Variants in MAP3K4 observed in about 807,000 individuals in gnomAD.
MAP3K4 encodes MAP three kinase 1.
A neutral mutation model predicts 185.6 loss-of-function variants in MAP3K4; 67 were observed. That is an observed-to-expected ratio of 0.36 (90% CI 0.30 to 0.44). The LOEUF (loss-of-function observed/expected upper bound fraction) is 0.44. Among genes scored for constraint, MAP3K4 ranks in the 20% least tolerant of loss-of-function variants. The pLI is 1.00. For missense variants in MAP3K4, 1,551 were observed against 1,995.1 expected, an observed-to-expected ratio of 0.78 and a Z score of 4.24; for synonymous variants, 702 against 710.4, an observed-to-expected ratio of 0.99 and a Z score of 0.19.
rs10945710 is a variant in MAP3K4, at chr6:161,056,928, G to A, written c.1707+6949G>A. Reference sequence around the variant, plus strand: ...CTATGGGTTTTGTGCAATTTAAAATGTTAAATACAAAATACTGTAATATGG... The same window carrying A: ...CTATGGGTTTTGTGCAATTTAAAATATTAAATACAAAATACTGTAATATGG... On this transcript the variant is annotated intron_variant, in intron 3 of 26. Coordinates refer to ENST00000392142, the MANE Select transcript of MAP3K4 (RefSeq NM_005922.4). This position sits in a 1 kb window ranked among gnomAD's most constrained non-coding sequence, Gnocchi z 5.4. 0.033 allele frequency among the ~76,000 whole-genome samples: 5,007 copies of A among 152,214 alleles called. 273 individuals carry two copies. Among genetic ancestry groups the A allele is most frequent in the African/African-American group, 0.11 (4,756 of 41,524 alleles).
Position 161,112,018 on chromosome 6 carries a change from C to A in MAP3K4, c.4519+60C>A. 2 of 1,592,212 alleles carry A rather than the reference C, an allele frequency of 1.3e-6. No individual in the cohort carries two copies. Among genetic ancestry groups the A allele is most frequent in the South Asian group, 1.1e-5 (1 of 87,048 alleles). ...CTTCATGCAGCCTGCTTGGGGCCTGCATGTTCCCTTCACCTTTGTTTGTCA... is the reference window on the plus strand; with the variant it reads ...CTTCATGCAGCCTGCTTGGGGCCTGAATGTTCCCTTCACCTTTGTTTGTCA... On this transcript the variant is annotated intron_variant, in intron 24 of 26. Transcript: ENST00000392142. The surrounding 1 kb of genome is among the most constrained non-coding windows in gnomAD (Gnocchi z 5.1).
rs771027684 is a variant in MAP3K4 at position 161,087,964 on chromosome 6, A to G, written c.2823+10A>G. On this transcript the variant is annotated intron_variant, in intron 10 of 26. Transcript: ENST00000392142. This position sits in a 1 kb window ranked among gnomAD's most constrained non-coding sequence, Gnocchi z 4.9. ...CCTGAGAAGCATGCAGGTACAGCTC[A>G]TCTCCATCTTTGCAGCAGTGTTACT... is the stretch of plus-strand genomic sequence containing the variant. The G allele has an allele frequency of 3.7e-6, 6 of 1,602,724 alleles. No individual in the cohort carries two copies. In the Admixed American group the frequency reaches 5.3e-5, roughly 14 times the overall value.
chr6:161,060,637 T>TTG (rs1491475882), intron 3 of MAP3K4, among the ~76,000 whole-genome samples: 7 of 135,718 alleles, frequency 5.2e-5, no homozygotes, highest in African/African-American at 2.1e-4. Context: ...TTTTTTTTTT[T>TTG]GAGAAGGAGT....
At chr6:160,994,935 G>A (rs1001921214) in intron 1 of MAP3K4, among the ~76,000 whole-genome samples, 4 of 152,102 alleles carry the variant, frequency 2.6e-5, no homozygotes, top group African/African-American at 9.7e-5. Context: ...TCCTGACCTC[G>A]TGATCCGCCC....
At chr6:161,040,094 A>G (rs900316378) in intron 2 of MAP3K4, among the ~76,000 whole-genome samples, 15 of 152,144 alleles carry the variant, frequency 9.9e-5, no homozygotes, top group African/African-American at 3.6e-4. Flanking sequence ...TCATTTTGAT[A>G]CTCCTACCAA....
At chr6:160,997,580 C>T (rs1026249458) in intron 1 of MAP3K4, among the ~76,000 whole-genome samples, 3 of 152,180 alleles carry the variant, frequency 2.0e-5, no homozygotes, top group South Asian at 4.1e-4. Context: ...TACATACTCA[C>T]CGCTGTGTTC....
rs1221072022 is a variant in MAP3K4 at position 161,056,475 on chromosome 6, T to G, written c.1707+6496T>G. Among the ~76,000 whole-genome samples, 1 of 152,228 alleles carries G rather than the reference T, an allele frequency of 6.6e-6. No homozygotes were observed. The highest frequency in any genetic ancestry group is 2.4e-5 in the African/African-American group (1 of 41,458). On this transcript the variant is annotated intron_variant, in intron 3 of 26. Transcript: ENST00000392142. This position sits in a 1 kb window ranked among gnomAD's most constrained non-coding sequence, Gnocchi z 5.4. ...AATCATGAGTTCATACTGATGTCTT[T>G]CGCTCTGATTCAGCACAAGGTTCAT...
intron 2 of MAP3K4, among the ~76,000 whole-genome samples, chr6:161,036,858 G>C (rs1783189250): frequency 6.6e-6 from 1 of 152,116 alleles, no homozygotes; most frequent in Non-Finnish European, 1.5e-5. Context: ...GGAGCATTTT[G>C]AACCTCAGAT....
chr6:161,026,433 T>C (rs113304208), intron 1 of MAP3K4, among the ~76,000 whole-genome samples: 2,869 of 152,162 alleles, frequency 0.019, 49 homozygotes, highest in African/African-American at 0.043. Context: ...CCGTGCCCGG[T>C]CAGAAGGAAG....
chr6:161,035,142 G>A (rs750278363), intron 2 of MAP3K4, among the ~76,000 whole-genome samples: 7 of 152,078 alleles, frequency 4.6e-5, no homozygotes, highest in Non-Finnish European at 7.3e-5. Context: ...TGTACCCTAC[G>A]TGATGGCCTG....
chr6:161,111,716 T>C, intron 23 of MAP3K4, 120 bp from the exon 24 acceptor site: 1 of 1,001,462 alleles, frequency 1.0e-6, no homozygotes, highest in Non-Finnish European at 1.5e-6. Context: ...GTAAGTCAAG[T>C]TTCATAAGCC....
rs757302682 is a variant in MAP3K4 at position 161,098,236 on chromosome 6, C to G, written c.3525-42C>G. 2 of 1,550,670 alleles carry G rather than the reference C, an allele frequency of 1.3e-6. No individual in the cohort carries two copies. The highest frequency in any genetic ancestry group is 2.8e-5 in the African/African-American group (2 of 72,634). ...TGAAAACAATTTTCAAGTCCGTTCC[C>G]TCTTCTCACATGTGTTCCTGAAGCT... is the stretch of plus-strand genomic sequence containing the variant. On this transcript the variant is annotated intron_variant, in intron 16 of 26. Coordinates refer to ENST00000392142, the MANE Select transcript of MAP3K4 (RefSeq NM_005922.4). The surrounding 1 kb of genome is among the most constrained non-coding windows in gnomAD (Gnocchi z 4.4).
At chr6:161,018,372 C>T (rs1359216493) in intron 1 of MAP3K4, among the ~76,000 whole-genome samples, 1 of 152,186 alleles carries the variant, frequency 6.6e-6, no homozygotes, top group Non-Finnish European at 1.5e-5. Flanking sequence ...AGAGCCCACA[C>T]AGGGCTGGGA....
intron 1 of MAP3K4, among the ~76,000 whole-genome samples, chr6:161,001,851 C>T (rs1318689083): frequency 3.9e-5 from 6 of 152,074 alleles, no homozygotes; most frequent in Admixed American, 3.9e-4. Context: ...AGTAAGTGCT[C>T]AGTATTAGCT....
chr6:161,104,223 T>A (rs1284706586), intron 19 of MAP3K4, among the ~76,000 whole-genome samples: 1 of 151,332 alleles, frequency 6.6e-6, no homozygotes, highest in Non-Finnish European at 1.5e-5. Flanking sequence ...AAGACCAGCC[T>A]GACCAACATG....
chr6:161,001,173 C>T (rs1583089261), intron 1 of MAP3K4, among the ~76,000 whole-genome samples: 1 of 146,754 alleles, frequency 6.8e-6, no homozygotes, highest in African/African-American at 2.5e-5. Context: ...TATATGTGTA[C>T]ACATATATAA....
At chr6:161,111,279 A>C (rs1778338126) in intron 23 of MAP3K4, among the ~76,000 whole-genome samples, 1 of 152,250 alleles carries the variant, frequency 6.6e-6, no homozygotes, top group Admixed American at 6.5e-5. Context: ...CAAAAGGCCA[A>C]GCTGTCCTGA....
Position 161,091,267 on chromosome 6 carries a change from T to A in MAP3K4, c.2974-112T>A. ...GTAATTCCTTTACCAAGTGGCTGAA[T>A]TGTTTGTAGTGGTTAATGTCTGTGT... On this transcript the variant is annotated intron_variant, in intron 11 of 26. Transcript: ENST00000392142. This position sits in a 1 kb window ranked among gnomAD's most constrained non-coding sequence, Gnocchi z 5.5. 1 of 731,846 alleles carries A rather than the reference T, an allele frequency of 1.4e-6. No homozygotes were observed. Among genetic ancestry groups the A allele is most frequent in the Non-Finnish European group, 2.1e-6 (1 of 467,660 alleles). The allele number at this position is 731,846 out of a possible 1,614,324, so 45.3% of individuals were successfully genotyped here.
intron 4 of MAP3K4, among the ~76,000 whole-genome samples, chr6:161,072,427 T>A (rs1784991062): frequency 6.6e-6 from 1 of 152,076 alleles, no homozygotes; most frequent in Non-Finnish European, 1.5e-5. Flanking sequence ...CAAGTAAGTA[T>A]GTGTGTGTGT....
Sources: gnomAD v4.1 joint callset for allele counts (sites outside exome capture counted in the v4.1 genomes callset) on GRCh38, gnomAD v4.1.1 for gene constraint, Gnocchi (gnomAD v3.1) non-coding constraint, MANE v1.5 for transcripts, NCBI Gene and HGNC (gene_info 2026-07-23, HGNC 2026-07-21) for gene names.